CSMD3: variants seen among roughly 807,000 people sequenced by gnomAD.
CSMD3 encodes the protein CUB and sushi domain-containing protein 3.
Under a neutral mutation model 435.2 loss-of-function variants are expected in CSMD3, and 177 were observed. That is an observed-to-expected ratio of 0.41 (90% CI 0.36 to 0.46). The LOEUF is 0.46. Ranked by LOEUF, CSMD3 falls within the 20% of genes least tolerant of loss-of-function variation. The pLI, the probability that CSMD3 is intolerant of heterozygous loss-of-function variation, is 0.34. For missense variants in CSMD3, 4,265 were observed against 4,504.6 expected (o/e 0.95, Z 1.52); for synonymous variants, 1,656 against 1,520.5 (o/e 1.09, Z -2.07).
At chr8:113,329,328 G>C (rs917252413) in intron 1 of CSMD3, among the ~76,000 whole-genome samples, 7 of 151,956 alleles carry the variant, frequency 4.6e-5, no homozygotes, top group African/African-American at 1.7e-4. Context: ...AAATTCTGCA[G>C]TTGAAAAGTT....
At chr8:112,788,303 T>C (rs2078604013) in intron 13 of CSMD3, among the ~76,000 whole-genome samples, 1 of 152,074 alleles carries the variant, frequency 6.6e-6, no homozygotes, top group South Asian at 2.1e-4. Flanking sequence ...CACCAAATCA[T>C]GGCATGTTCT....
chr8:112,384,511 T>G (rs1007766604), intron 36 of CSMD3, among the ~76,000 whole-genome samples: 1 of 152,226 alleles, frequency 6.6e-6, no homozygotes, highest in Non-Finnish European at 1.5e-5. Context: ...ATTTCTTTAT[T>G]AAATTTTTTG....
rs1307580516 is a variant in CSMD3 at position 112,889,253 on chromosome 8, A to G, written c.1634-29987T>C. On this transcript the variant is annotated intron_variant, in intron 10 of 70. Coordinates refer to ENST00000297405, the MANE Select transcript of CSMD3 (RefSeq NM_198123.2). ...AATAATAGATTTAGAGAGCAATGAGATATCATCATTACCCTGATGATATTC... is the reference window on the plus strand; with the variant it reads ...AATAATAGATTTAGAGAGCAATGAGGTATCATCATTACCCTGATGATATTC... Among the ~76,000 whole-genome samples, 133 of 151,728 alleles carry G rather than the reference A, an allele frequency of 8.8e-4. 1 individual carries two copies. Among genetic ancestry groups the G allele is most frequent in the Non-Finnish European group, 1.2e-4 (8 of 67,760 alleles).
intron 5 of CSMD3, among the ~76,000 whole-genome samples, chr8:113,046,740 A>T (rs2131309279): frequency 6.6e-6 from 1 of 152,330 alleles, no homozygotes; most frequent in Non-Finnish European, 1.5e-5. Context: ...TAAGGGAGTC[A>T]GGGACTTGGA....
At chr8:112,924,102 A>G (rs1329116462) in intron 9 of CSMD3, among the ~76,000 whole-genome samples, 1 of 152,176 alleles carries the variant, frequency 6.6e-6, no homozygotes, top group Non-Finnish European at 1.5e-5. Flanking sequence ...TTTCTAGGCC[A>G]TGATAAGGAT....
At chr8:113,268,161 C>T (rs2093487822) in intron 3 of CSMD3, among the ~76,000 whole-genome samples, 1 of 151,702 alleles carries the variant, frequency 6.6e-6, no homozygotes, top group African/African-American at 2.4e-5. Flanking sequence ...TACAAAATAA[C>T]TTTTATCAGA....
intron 24 of CSMD3, among the ~76,000 whole-genome samples, chr8:112,570,455 A>AATTCTGAATC (rs1829413901): frequency 6.6e-6 from 1 of 152,226 alleles, no homozygotes; most frequent in Non-Finnish European, 1.5e-5. Flanking sequence ...GAATCAGGAT[A>AATTCTGAATC]AGCATTCATG....
intron 22 of CSMD3, among the ~76,000 whole-genome samples, chr8:112,597,339 G>C (rs1030988763): frequency 2.0e-5 from 3 of 151,604 alleles, no homozygotes; most frequent in African/African-American, 7.3e-5. Context: ...TCTCTGAATA[G>C]ACCAATAACA....
chr8:112,337,471 A>G, intron 43 of CSMD3, 72 bp downstream of exon 43: 1 of 1,174,034 alleles, frequency 8.5e-7, no homozygotes, highest in Non-Finnish European at 1.3e-6. Flanking sequence ...GAGGAAGACA[A>G]GTAAAAAGTG....
intron 5 of CSMD3, among the ~76,000 whole-genome samples, chr8:113,060,531 T>C (rs1217780618): frequency 1.3e-5 from 2 of 152,226 alleles, no homozygotes; most frequent in Admixed American, 6.6e-5. Flanking sequence ...GTTACTTCAC[T>C]GGCAACAAAA....
At chr8:112,823,507 T>C (rs2079585840) in intron 12 of CSMD3, among the ~76,000 whole-genome samples, 1 of 152,186 alleles carries the variant, frequency 6.6e-6, no homozygotes, top group Non-Finnish European at 1.5e-5. Flanking sequence ...TCCCAGAGAT[T>C]CTGGTATGCT....
At chr8:112,433,706 A>G (rs1419983175) in intron 32 of CSMD3, among the ~76,000 whole-genome samples, 2 of 151,754 alleles carry the variant, frequency 1.3e-5, no homozygotes, top group Admixed American at 6.6e-5. Context: ...AGAAGAAGAA[A>G]AAAACCTACA....
chr8:113,112,933 T>C (rs1247186143), intron 4 of CSMD3, among the ~76,000 whole-genome samples: 1 of 152,224 alleles, frequency 6.6e-6, no homozygotes, highest in Non-Finnish European at 1.5e-5. Context: ...TAACTAACTT[T>C]TGTGCACAGT....
chr8:112,938,180 A>G (rs561715256), intron 9 of CSMD3, among the ~76,000 whole-genome samples: 2 of 152,304 alleles, frequency 1.3e-5, no homozygotes, highest in African/African-American at 4.8e-5. Flanking sequence ...CATAAGGATG[A>G]ATTTTGCCAA....
At chr8:113,101,323 C>A (rs1588075619) in intron 4 of CSMD3, among the ~76,000 whole-genome samples, 1 of 152,062 alleles carries the variant, frequency 6.6e-6, no homozygotes, top group Non-Finnish European at 1.5e-5. Context: ...CCATGCCAAG[C>A]CAGAACTCCC....
At chr8:113,207,267 T>C (rs560757827) in intron 3 of CSMD3, among the ~76,000 whole-genome samples, 24 of 152,286 alleles carry the variant, frequency 1.6e-4, no homozygotes, top group Non-Finnish European at 2.6e-4. Context: ...CATATTTTTA[T>C]TTTAATCAAG....
intron 1 of CSMD3, among the ~76,000 whole-genome samples, chr8:113,380,869 A>T (rs2094412148): frequency 6.6e-6 from 1 of 152,106 alleles, no homozygotes; most frequent in Non-Finnish European, 1.5e-5. Flanking sequence ...CCATGTCCTG[A>T]TGTGCTGCAG....
intron 12 of CSMD3, among the ~76,000 whole-genome samples, chr8:112,807,051 T>G (rs13266975): frequency 0.21 from 31,649 of 152,190 alleles, 4,074 homozygotes; most frequent in Non-Finnish European, 0.3. Flanking sequence ...TAAGATATGC[T>G]GACCCATGTA....
rs542737153 is a variant in CSMD3 at position 112,790,714 on chromosome 8, C to T, written c.1972+9448G>A. ...ACTCTGCAGAGTATAACCACTTCAA[C>T]ATTTAAAAAATGAATTGTGAGAATA... On this transcript the variant is annotated intron_variant, in intron 13 of 70. Transcript: ENST00000297405. Among the ~76,000 whole-genome samples, 174 of 152,212 alleles carry T rather than the reference C, an allele frequency of 1.1e-3. No individual in the cohort carries two copies. In the Middle Eastern group the frequency reaches 0.014, roughly 12 times the overall value.
Sources: allele counts gnomAD v4.1 joint callset (sites outside exome capture counted in the v4.1 genomes callset), GRCh38; gene constraint gnomAD v4.1.1; transcripts MANE v1.5; gene names NCBI Gene and HGNC (gene_info 2026-07-23, HGNC 2026-07-21).